Variants in CTNND2 observed in about 807,000 individuals in gnomAD.
The protein encoded by CTNND2 is catenin delta 2, also known as catenin delta-2.
A neutral mutation model predicts 144.4 loss-of-function variants in CTNND2; 22 were observed. That is an observed-to-expected ratio of 0.15 (90% CI 0.11 to 0.22). The LOEUF is 0.22. Among genes scored for constraint, CTNND2 ranks in the 10% least tolerant of loss-of-function variants. The pLI, the probability that CTNND2 is intolerant of heterozygous loss-of-function variation, is 1.00. For missense variants in CTNND2, 1,353 were observed against 1,618.8 expected (o/e 0.84, Z 2.82); for synonymous variants, 751 against 695.6 (o/e 1.08, Z -1.25).
At chr5:11,704,004 C>T (rs1434056791) in intron 2 of CTNND2, among the ~76,000 whole-genome samples, 1 of 152,202 alleles carries the variant, frequency 6.6e-6, no homozygotes. Context: ...GTACTGGAAT[C>T]CTCATCTCAA....
At chr5:11,880,005 G>A (rs1735909638) in intron 1 of CTNND2, among the ~76,000 whole-genome samples, 2 of 152,184 alleles carry the variant, frequency 1.3e-5, no homozygotes, top group African/African-American at 4.8e-5. Flanking sequence ...CACTGTCCTG[G>A]GTTCTGGAGT....
At chr5:11,832,068 G>A (rs1435943851) in intron 1 of CTNND2, among the ~76,000 whole-genome samples, 1 of 152,098 alleles carries the variant, frequency 6.6e-6, no homozygotes, top group Non-Finnish European at 1.5e-5. Context: ...TGGATCATGA[G>A]GTCAAGAGAT....
At chr5:11,260,777 T>C (rs1371010398) in intron 9 of CTNND2, among the ~76,000 whole-genome samples, 2 of 152,074 alleles carry the variant, frequency 1.3e-5, no homozygotes, top group African/African-American at 2.4e-5. Flanking sequence ...ACCTTAGCAA[T>C]CAACAATTTG....
At position 10,981,481 on chromosome 5, in the gene CTNND2, G is replaced by A. The variant is rs61752671; in HGVS notation, c.3417+292C>T. 0.11 allele frequency among the ~76,000 whole-genome samples: 16,525 copies of A among 151,974 alleles called. 1,036 individuals carry two copies. Among genetic ancestry groups the A allele is most frequent in the East Asian group, 0.21 (1,084 of 5,164 alleles). On this transcript the variant is annotated intron_variant, in intron 21 of 21. Coordinates refer to ENST00000304623, the MANE Select transcript of CTNND2 (RefSeq NM_001332.4). ...TGACATCTTACAGTTGTCTATTTGG[G>A]GGTTTCTTTTAGTTTTGCACCATAG...
intron 3 of CTNND2, among the ~76,000 whole-genome samples, chr5:11,486,071 T>TA (rs1408864898): frequency 6.6e-6 from 1 of 151,982 alleles, no homozygotes; most frequent in African/African-American, 2.4e-5. Context: ...CCAAAATATA[T>TA]AAGCAGGCAA....
In CTNND2 at chr5:10,987,001, C is replaced by T. The variant is rs148305493; in HGVS notation, c.3343+1110G>A. Among the ~76,000 whole-genome samples the T allele has an allele frequency of 2.5e-3, 383 of 152,344 alleles. 2 individuals carry two copies. The highest frequency in any genetic ancestry group is 8.3e-3 in the African/African-American group (347 of 41,586). The stretch of plus-strand genomic sequence containing the variant: ...TCCTAAGAGGGTCTCAGTGTCTGCA[C>T]GGCGCCCTTTGCGCCCCAGCTTTAT... On this transcript the variant is annotated intron_variant, in intron 20 of 21. Transcript: ENST00000304623.
At chr5:11,899,075 G>GTAC (rs377202865) in intron 1 of CTNND2, among the ~76,000 whole-genome samples, 244 of 152,236 alleles carry the variant, frequency 1.6e-3, no homozygotes, top group Middle Eastern at 6.8e-3. Context: ...TTTCAAAGAG[G>GTAC]TACCAATTCA....
chr5:11,849,672 CCTCT>C (rs1194607347), intron 1 of CTNND2, among the ~76,000 whole-genome samples: 1 of 152,176 alleles, frequency 6.6e-6, no homozygotes, highest in Non-Finnish European at 1.5e-5. Flanking sequence ...CTGTTAAACA[CCTCT>C]CTATGTATCT....
At chr5:11,540,765 C>T (rs1774656443) in intron 3 of CTNND2, among the ~76,000 whole-genome samples, 1 of 152,200 alleles carries the variant, frequency 6.6e-6, no homozygotes. Flanking sequence ...CCACCTCAGC[C>T]TACCAATCAT....
chr5:11,608,210 T>A (rs987878186), intron 2 of CTNND2, among the ~76,000 whole-genome samples: 2 of 152,126 alleles, frequency 1.3e-5, no homozygotes, highest in African/African-American at 4.8e-5. Flanking sequence ...TAGTTGAAAG[T>A]AGAAAATTAA....
At chr5:11,737,313 A>G (rs534755600) in intron 1 of CTNND2, among the ~76,000 whole-genome samples, 1 of 152,298 alleles carries the variant, frequency 6.6e-6, no homozygotes, top group South Asian at 2.1e-4. Flanking sequence ...CTGTGAGTAG[A>G]GTGCACAATT....
At position 11,624,896 on chromosome 5, in the gene CTNND2, C is replaced by T. The variant is rs149417877; in HGVS notation, c.175-59840G>A. On this transcript the variant is annotated intron_variant, in intron 2 of 21. Coordinates refer to ENST00000304623, the MANE Select transcript of CTNND2 (RefSeq NM_001332.4). The stretch of plus-strand genomic sequence containing the variant: ...TTTAGCATCTACTGTATGCCAGGTA[C>T]TATGCTTGAAGTTGCATGTAGCCTA... Among the ~76,000 whole-genome samples, 89 of 152,040 alleles carry T rather than the reference C, an allele frequency of 5.9e-4. 1 individual carries two copies. The East Asian group carries it at 0.013, about 22-fold the overall frequency.
intron 20 of CTNND2, among the ~76,000 whole-genome samples, chr5:10,982,555 C>T (rs1301334435): frequency 6.6e-6 from 1 of 152,250 alleles, no homozygotes; most frequent in African/African-American, 2.4e-5. Flanking sequence ...AGAGGAAGGG[C>T]ACAGGCCACC....
Position 11,761,471 on chromosome 5 carries a change from A to G in CTNND2, c.38-29199T>C, listed in dbSNP as rs192058965. On this transcript the variant is annotated intron_variant, in intron 1 of 21. Transcript: ENST00000304623. ...CTGAACAAAGTGAAGTGAACTAAAT[A>G]GGAAAAATAATGTTAATCAGAAATT... is the stretch of plus-strand genomic sequence containing the variant. Among the ~76,000 whole-genome samples the G allele has an allele frequency of 7.1e-4, 108 of 152,348 alleles. 1 individual carries two copies. The highest frequency in any genetic ancestry group is 1.1e-3 in the Non-Finnish European group (74 of 68,034).
At chr5:11,272,174 G>A (rs1746095601) in intron 9 of CTNND2, among the ~76,000 whole-genome samples, 2 of 152,032 alleles carry the variant, frequency 1.3e-5, no homozygotes, top group Admixed American at 6.6e-5. Flanking sequence ...GATTAATTCA[G>A]AAAACAATTA....
chr5:11,385,186 G>GCGGGCT lies in CTNND2; in HGVS notation c.650_655dup (p.Glu217_Pro218dup). On this transcript the variant is annotated inframe_insertion, in exon 7 of 22. Coordinates refer to ENST00000304623, the MANE Select transcript of CTNND2 (RefSeq NM_001332.4). ...CCGCGGCGGCGGCGGCGGCGGCGGC[G>GCGGGCT]CGGGCTCGGGCCCCGCCAGGTGGCC... The GCGGGCT allele has an allele frequency of 9.5e-7, 1 of 1,049,426 alleles. No homozygotes were observed. The allele number at this position is 1,049,426 out of a possible 1,614,324, so 65.0% of individuals were successfully genotyped here. A position where few individuals can be genotyped will look rare whatever the true frequency, so the allele number is the denominator to read the frequency against.
intron 9 of CTNND2, among the ~76,000 whole-genome samples, chr5:11,242,206 C>A (rs1053962458): frequency 3.3e-5 from 5 of 152,102 alleles, no homozygotes; most frequent in Admixed American, 3.3e-4. Context: ...ATAACGTGAG[C>A]GCATACTAAA....
Position 11,902,824 on chromosome 5 carries a change from C to CT in CTNND2, c.37+992dup, listed in dbSNP as rs558664738. ...CACCTTGGAAACACAACCTGCCCCT[C>CT]TATCTCTCATCTCCCACACCCTTCA... On this transcript the variant is annotated intron_variant, in intron 1 of 21. Transcript: ENST00000304623. Among the ~76,000 whole-genome samples, 120 of 152,264 alleles carry CT rather than the reference C, an allele frequency of 7.9e-4. 1 individual carries two copies. The highest frequency in any genetic ancestry group is 2.8e-3 in the African/African-American group (116 of 41,552).
chr5:11,122,033 G>A (rs1754195004), intron 12 of CTNND2, among the ~76,000 whole-genome samples: 1 of 152,204 alleles, frequency 6.6e-6, no homozygotes. Flanking sequence ...ATTCAGCTGA[G>A]TGTGTGACAC....
Sources: allele counts gnomAD v4.1 joint callset (sites outside exome capture counted in the v4.1 genomes callset), GRCh38; gene constraint gnomAD v4.1.1; transcripts MANE v1.5; gene names NCBI Gene and HGNC (gene_info 2026-07-23, HGNC 2026-07-21).